The following ZNF33B variants were observed in gnomAD, a reference collection of about 807,000 sequenced individuals.
ZNF33B encodes the protein zinc finger protein 11b (KOX 2).
A neutral mutation model predicts 45.8 loss-of-function variants in ZNF33B; 29 were observed. That is an observed-to-expected ratio of 0.63 (90% CI 0.47 to 0.86). The LOEUF (loss-of-function observed/expected upper bound fraction) is 0.86, where lower values mean the gene tolerates loss of function less well. Among genes scored for constraint, ZNF33B ranks in the 40% least tolerant of loss-of-function variants. The pLI is 0.00. For synonymous variants in ZNF33B, 305 were observed against 307.8 expected (o/e 0.99, Z 0.10); for missense variants, 831 against 909.9 (o/e 0.91, Z 1.12).
chr10:42,594,359 C>A lies in ZNF33B; in HGVS notation c.591G>T (p.Arg197Ser), dbSNP rs1181844283. 3.7e-6 allele frequency: 6 copies of A among 1,613,680 alleles called. No homozygotes were observed. In the East Asian group the frequency reaches 1.1e-4, roughly 30 times the overall value. Reference sequence around the variant, plus strand: ...TGTTCTCACGATGACTCAGAGTGTTCCTATTTTTCAAAACTTCATTTTTCT... The same window carrying A: ...TGTTCTCACGATGACTCAGAGTGTTACTATTTTTCAAAACTTCATTTTTCT... The part of the protein sequence containing the change: ...TREKNEVLKN[R>S]NTLSHRENTL... Residue 197 changes from arginine to serine, a missense_variant, in exon 5 of 5, where the codon AGG (arginine) becomes AGT (serine). Coordinates refer to ENST00000359467, the MANE Select transcript of ZNF33B (RefSeq NM_006955.3).
intron 4 of ZNF33B, among the ~76,000 whole-genome samples, chr10:42,595,463 T>C (rs1589027938): frequency 1.3e-5 from 2 of 152,182 alleles, no homozygotes; most frequent in East Asian, 1.9e-4. Flanking sequence ...TCAAGTCTTA[T>C]TAAAGACTTA....
chr10:42,586,860 G>A (rs2132020604), downstream of ZNF33B, among the ~76,000 whole-genome samples: 1 of 152,288 alleles, frequency 6.6e-6, no homozygotes, highest in East Asian at 1.9e-4. Context: ...CAAACCACCT[G>A]AGACTAGGTC....
intron 4 of ZNF33B, among the ~76,000 whole-genome samples, chr10:42,598,617 C>A (rs1448465401): frequency 2.6e-5 from 4 of 152,202 alleles, no homozygotes; most frequent in Non-Finnish European, 5.9e-5. Context: ...AAGTGAAGTA[C>A]AGGATCCCTT....
intron 4 of ZNF33B, among the ~76,000 whole-genome samples, chr10:42,614,519 C>G (rs1465380816): frequency 6.6e-6 from 1 of 152,150 alleles, no homozygotes; most frequent in Non-Finnish European, 1.5e-5. Context: ...AACATACCAC[C>G]CTAATATGTT....
intron 4 of ZNF33B, among the ~76,000 whole-genome samples, chr10:42,610,909 C>T (rs1266368711): frequency 6.6e-6 from 1 of 152,044 alleles, no homozygotes; most frequent in Non-Finnish European, 1.5e-5. Flanking sequence ...AAATTTGCTA[C>T]AAAATTACAA....
At chr10:42,619,750 G>A (rs1838488489) in intron 4 of ZNF33B, among the ~76,000 whole-genome samples, 1 of 152,188 alleles carries the variant, frequency 6.6e-6, no homozygotes, top group African/African-American at 2.4e-5. Flanking sequence ...GTGCTAGGTA[G>A]AAGCAAGGTT....
At chr10:42,600,549 T>C (rs1323686258) in intron 4 of ZNF33B, among the ~76,000 whole-genome samples, 1 of 152,192 alleles carries the variant, frequency 6.6e-6, no homozygotes, top group African/African-American at 2.4e-5. Context: ...GTTTATCTAT[T>C]TGTCTTTGAA....
Position 42,593,327 on chromosome 10 carries a change from T to G in ZNF33B, c.1623A>C (p.Thr541=). Residue 541 remains threonine (T), a synonymous_variant, in exon 5 of 5, where the codon ACA becomes ACC. Coordinates refer to ENST00000359467, the MANE Select transcript of ZNF33B (RefSeq NM_006955.3). ...CCCCTGTGTGCGTTCTCTGATGTAT[T>G]GTGAGGTCTGACTTCAAGCAGAAGG... is the stretch of plus-strand genomic sequence containing the variant. ...GKTFCLKSDL[T]IHQRTHTGEK... is the part of the protein sequence containing the mutation. The G allele has an allele frequency of 6.2e-7, 1 of 1,612,102 alleles. No homozygotes were observed. The highest frequency in any genetic ancestry group is 8.5e-7 in the Non-Finnish European group (1 of 1,179,326).
In ZNF33B at chr10:42,577,734, T is replaced by A. The variant is rs34935445; in HGVS notation, c.74-3056A>T. The stretch of plus-strand genomic sequence containing the variant: ...AGAGAGAAACCTGGCTTCATGAGTA[T>A]CCTGGCAAGTGGATTCAGGGCTGAA... On this transcript the variant is annotated intron_variant, in intron 1 of 1. Transcript: ENST00000462075. 2.6e-5 allele frequency among the ~76,000 whole-genome samples: 4 copies of A among 152,252 alleles called. No homozygotes were observed. The East Asian group carries it at 7.7e-4, about 29-fold the overall frequency.
chr10:42,635,389 A>G (rs1039627818), intron 2 of ZNF33B, among the ~76,000 whole-genome samples: 1 of 152,218 alleles, frequency 6.6e-6, no homozygotes, highest in African/African-American at 2.4e-5. Flanking sequence ...TGAGGGGGAC[A>G]AGACGGCAGC....
intron 4 of ZNF33B, among the ~76,000 whole-genome samples, chr10:42,629,681 G>C (rs1490622956): frequency 6.6e-6 from 1 of 152,008 alleles, no homozygotes; most frequent in African/African-American, 2.4e-5. Flanking sequence ...TACATTTAAG[G>C]TAAATATTGC....
At chr10:42,631,500 A>C (rs878939507) in intron 4 of ZNF33B, among the ~76,000 whole-genome samples, 1 of 152,144 alleles carries the variant, frequency 6.6e-6, no homozygotes, top group Non-Finnish European at 1.5e-5. Flanking sequence ...TGCCTGGCCT[A>C]ATTTTTTTCA....
intron 4 of ZNF33B, among the ~76,000 whole-genome samples, chr10:42,616,232 TA>T (rs200532665): frequency 0.012 from 1,860 of 150,720 alleles, 49 homozygotes; most frequent in African/African-American, 0.043. Flanking sequence ...AACTCCATAT[TA>T]AAAAAAAATA....
chr10:42,617,801 A>G (rs191761499), intron 4 of ZNF33B, among the ~76,000 whole-genome samples: 41 of 148,448 alleles, frequency 2.8e-4, no homozygotes, highest in Admixed American at 2.6e-3. Flanking sequence ...ATCATGAGGT[A>G]TTATGATAAA....
chr10:42,587,262 C>T (rs1279406141), downstream of ZNF33B, among the ~76,000 whole-genome samples: 1 of 152,086 alleles, frequency 6.6e-6, no homozygotes. Flanking sequence ...TGCAGTGGCG[C>T]CAACTTGGCT....
At chr10:42,577,132 CAAAA>C (rs71014272) in intron 1 of ZNF33B, among the ~76,000 whole-genome samples, 2,265 of 81,560 alleles carry the variant, frequency 0.028, 46 homozygotes, top group African/African-American at 0.1. Flanking sequence ...GACTCCATCT[CAAAA>C]AAAAAAAAAA....
intron 1 of ZNF33B, among the ~76,000 whole-genome samples, chr10:42,637,949 G>A (rs1420864070): frequency 6.6e-6 from 1 of 152,188 alleles, no homozygotes; most frequent in African/African-American, 2.4e-5. Flanking sequence ...ACCGCGCTAG[G>A]CCAAAATTAT....
chr10:42,585,987 G>A (rs1374482351), downstream of ZNF33B, among the ~76,000 whole-genome samples: 1 of 152,172 alleles, frequency 6.6e-6, no homozygotes, highest in Non-Finnish European at 1.5e-5. Flanking sequence ...TGGGACCAGA[G>A]TCAGGATGCC....
intron 1 of ZNF33B, among the ~76,000 whole-genome samples, chr10:42,581,327 G>A (rs755412868): frequency 3.3e-5 from 5 of 151,946 alleles, no homozygotes; most frequent in Middle Eastern, 3.4e-3. Flanking sequence ...AGCCAGGCGT[G>A]GTGGTATCTG....
Sources: allele counts gnomAD v4.1 joint callset (sites outside exome capture counted in the v4.1 genomes callset), GRCh38; gene constraint gnomAD v4.1.1; transcripts MANE v1.5; gene names NCBI Gene and HGNC (gene_info 2026-07-23, HGNC 2026-07-21).